The following SCFD1 variants were observed in gnomAD, a reference collection of about 807,000 sequenced individuals.
The protein encoded by SCFD1 is sec1 family domain-containing protein 1.
Under a neutral mutation model 103.2 loss-of-function variants are expected in SCFD1, and 37 were observed. That is an observed-to-expected ratio of 0.36 (90% confidence interval 0.28 to 0.47). The LOEUF (loss-of-function observed/expected upper bound fraction) is 0.47, where lower values mean the gene tolerates loss of function less well. Ranked by LOEUF, SCFD1 falls within the 20% of genes least tolerant of loss-of-function variation. The probability of loss-of-function intolerance (pLI) is 1.00; values close to 1 mark genes in which losing one functional copy is unlikely to be tolerated. For synonymous variants in SCFD1, 264 were observed against 245.0 expected (o/e 1.08, Z -0.73); for missense variants, 639 against 761.2 (o/e 0.84, Z 1.89).
At chr14:30,714,617 T>C (rs1324406906) in intron 19 of SCFD1, among the ~76,000 whole-genome samples, 1 of 152,226 alleles carries the variant, frequency 6.6e-6, no homozygotes, top group African/African-American at 2.4e-5. Flanking sequence ...TAAAATGTTT[T>C]ATGATCTAAG....
intron 4 of SCFD1, among the ~76,000 whole-genome samples, chr14:30,637,097 C>T (rs1176120387): frequency 6.6e-6 from 1 of 151,978 alleles, no homozygotes; most frequent in Non-Finnish European, 1.5e-5. Flanking sequence ...TTCATTGTGA[C>T]TAGAGTGTCA....
intron 19 of SCFD1, among the ~76,000 whole-genome samples, chr14:30,714,343 A>G (rs1892119767): frequency 6.7e-6 from 1 of 150,104 alleles, no homozygotes; most frequent in African/African-American, 2.5e-5. Flanking sequence ...CCTGGGCGAC[A>G]GAGCGAGACT....
chr14:30,640,332 A>G (rs994677417), intron 6 of SCFD1, among the ~76,000 whole-genome samples: 1 of 152,190 alleles, frequency 6.6e-6, no homozygotes, highest in Non-Finnish European at 1.5e-5. Context: ...AATTCCTAAG[A>G]GGATATAAGT....
chr14:30,713,339 GGT>G (rs1447940074), intron 19 of SCFD1, among the ~76,000 whole-genome samples: 9 of 151,998 alleles, frequency 5.9e-5, no homozygotes, highest in Admixed American at 5.9e-4. Context: ...AGATGGTTTT[GGT>G]GTGTTATTTG....
Position 30,722,527 on chromosome 14 carries a change from A to G in SCFD1, c.1804A>G (p.Ile602Val). The part of the protein sequence containing the change: ...IVFVVGGGNY[I>V]EYQNLVDYIK... ...TTTTGTGGTGGGAGGAGGCAACTACATTGAATATCAGAATCTTGTTGACTA... is the reference window on the plus strand; with the variant it reads ...TTTTGTGGTGGGAGGAGGCAACTACGTTGAATATCAGAATCTTGTTGACTA... Residue 602 changes from isoleucine to valine, a missense_variant, in exon 23 of 25, where the codon ATT becomes GTT. Transcript: ENST00000458591. 4.4e-6 allele frequency: 7 copies of G among 1,604,080 alleles called. No homozygotes were observed. Among genetic ancestry groups the G allele is most frequent in the Non-Finnish European group, 6.0e-6 (7 of 1,174,704 alleles).
chr14:30,694,194 A>G (rs1271326108), intron 14 of SCFD1, among the ~76,000 whole-genome samples: 1 of 152,226 alleles, frequency 6.6e-6, no homozygotes, highest in Non-Finnish European at 1.5e-5. Context: ...CATGGAGTAC[A>G]ATATGATTTG....
At chr14:30,677,502 GT>G (rs970121812) in intron 14 of SCFD1, among the ~76,000 whole-genome samples, 1 of 151,818 alleles carries the variant, frequency 6.6e-6, no homozygotes, top group Non-Finnish European at 1.5e-5. Context: ...AAAATCAGAA[GT>G]TTTTTTTATA....
chr14:30,630,397 A>T (rs117482355), intron 2 of SCFD1, 80 bp from the exon 3 acceptor site: 16,267 of 821,358 alleles, frequency 0.02, 246 homozygotes, highest in Middle Eastern at 0.035. Flanking sequence ...ATTAAAATAA[A>T]ATTTACTTCA....
intron 23 of SCFD1, among the ~76,000 whole-genome samples, chr14:30,729,870 T>A (rs1403913661): frequency 9.5e-6 from 1 of 105,736 alleles, no homozygotes; most frequent in African/African-American, 4.6e-5. Flanking sequence ...ACGAAAGGCA[T>A]TTTTTTTTTT....
intron 10 of SCFD1, among the ~76,000 whole-genome samples, chr14:30,657,217 T>C (rs185856205): frequency 6.6e-6 from 1 of 152,140 alleles, no homozygotes; most frequent in Non-Finnish European, 1.5e-5. Flanking sequence ...TGGAGGAAAT[T>C]AAAGTACAGG....
intron 10 of SCFD1, among the ~76,000 whole-genome samples, chr14:30,654,341 C>A (rs1381435784): frequency 6.6e-6 from 1 of 152,162 alleles, no homozygotes; most frequent in East Asian, 1.9e-4. Context: ...ACTATATAAT[C>A]ATATCATGAT....
chr14:30,715,872 GA>G (rs1241142213), intron 19 of SCFD1, 51 bp from the exon 20 acceptor site: 1 of 981,560 alleles, frequency 1.0e-6, no homozygotes, highest in East Asian at 2.5e-5. Context: ...TGTTTTAATA[GA>G]GAAGAACTTT....
chr14:30,683,993 A>G (rs7140889), intron 14 of SCFD1, among the ~76,000 whole-genome samples: 150,490 of 152,322 alleles, frequency 0.99, 74,348 homozygotes, highest in South Asian at 1. Flanking sequence ...CGCTAGCAGC[A>G]AATGGAGTTC....
chr14:30,672,245 G>C (rs1267590926), intron 11 of SCFD1, among the ~76,000 whole-genome samples: 2 of 152,034 alleles, frequency 1.3e-5, no homozygotes, highest in Non-Finnish European at 2.9e-5. Flanking sequence ...ATGGAACAAG[G>C]GTTTCTGACT....
At chr14:30,646,849 A>C (rs377269572) in intron 7 of SCFD1, among the ~76,000 whole-genome samples, 2 of 152,046 alleles carry the variant, frequency 1.3e-5, no homozygotes, top group South Asian at 2.1e-4. Flanking sequence ...GGCAGGTTCT[A>C]TGTTTCCAGA....
chr14:30,731,423 T>C, intron 23 of SCFD1, among the ~76,000 whole-genome samples: 1 of 152,248 alleles, frequency 6.6e-6, no homozygotes, highest in Non-Finnish European at 1.5e-5. Context: ...TGGCATTGAA[T>C]CTATAAATTA....
chr14:30,670,962 A>G (rs1169980141), intron 11 of SCFD1, among the ~76,000 whole-genome samples: 6 of 152,138 alleles, frequency 3.9e-5, no homozygotes, highest in African/African-American at 1.2e-4. Flanking sequence ...AGTTACTGCT[A>G]TAAAAGTTAT....
chr14:30,722,385 A>G, intron 22 of SCFD1, 109 bp from the exon 23 acceptor site: 1 of 694,942 alleles, frequency 1.4e-6, no homozygotes. Context: ...TTAAAATAGC[A>G]TCAGGGGCTT....
chr14:30,659,877 A>G (rs1211469263), intron 10 of SCFD1, among the ~76,000 whole-genome samples: 2 of 152,152 alleles, frequency 1.3e-5, no homozygotes, highest in African/African-American at 4.8e-5. Flanking sequence ...AAAATTTTTT[A>G]AACTTTTACT....
Sources: gnomAD v4.1 joint callset for allele counts (sites outside exome capture counted in the v4.1 genomes callset) on GRCh38, gnomAD v4.1.1 for gene constraint, MANE v1.5 for transcripts, NCBI Gene and HGNC (gene_info 2026-07-23, HGNC 2026-07-21) for gene names.